Variants in LTBP3 observed in about 807,000 individuals in gnomAD.
LTBP3 encodes the protein latent transforming growth factor beta binding protein 3, also known as latent-transforming growth factor beta-binding protein 3.
Under a neutral mutation model 159.7 loss-of-function variants are expected in LTBP3, and 97 were observed. The ratio of observed to expected loss-of-function variants is 0.61; its 90% CI spans 0.52 to 0.72. The LOEUF (loss-of-function observed/expected upper bound fraction) is 0.72. Among genes scored for constraint, LTBP3 ranks in the 30% least tolerant of loss-of-function variants. LTBP3 has a pLI of 0.00. For missense variants in LTBP3, 1,584 were observed against 1,864.3 expected, an observed-to-expected ratio of 0.85 and a Z score of 2.77; for synonymous variants, 824 against 777.1, an observed-to-expected ratio of 1.06 and a Z score of -1.00.
chr11:65,546,184 T>G lies in LTBP3; in HGVS notation c.2353+258A>C. 2 of 527,148 alleles carry G rather than the reference T, an allele frequency of 3.8e-6. No individual in the cohort carries two copies. Among genetic ancestry groups the G allele is most frequent in the Non-Finnish European group, 6.7e-6 (2 of 298,400 alleles). The allele number at this position is 527,148 out of a possible 1,614,324, so 32.7% of individuals were successfully genotyped here. A position where few individuals can be genotyped will look rare whatever the true frequency, so the allele number is the denominator to read the frequency against. ...GGGGGAGTACTATCGTCTGCCCTCA[T>G]TCTTTGATATCTTTTTTCCTTCAAA... On this transcript the variant is annotated intron_variant, in intron 16 of 27. Transcript: ENST00000301873. The surrounding 1 kb of genome is among the most constrained non-coding windows in gnomAD (Gnocchi z 4.0).
chr11:65,548,275 G>A (rs1856467161), intron 11 of LTBP3: 1 of 646,396 alleles, frequency 1.5e-6, no homozygotes, highest in Non-Finnish European at 2.7e-6. Context: ...CCACACCCAG[G>A]CCCGGATACT....
chr11:65,557,339 C>T (rs925323973), intron 1 of LTBP3, among the ~76,000 whole-genome samples: 1 of 152,126 alleles, frequency 6.6e-6, no homozygotes, highest in Admixed American at 6.5e-5. Flanking sequence ...CTGCTCAGAA[C>T]TCAGCACCTT....
chr11:65,540,513 A>T lies in LTBP3; in HGVS notation c.3079T>A (p.Tyr1027Asn). ...ACGCATTCCAGCAGGTTCCCGTCGTAGTAGAAGCCCTGCTTGCAGTAGCAC... is the reference window on the plus strand; with the variant it reads ...ACGCATTCCAGCAGGTTCCCGTCGTTGTAGAAGCCCTGCTTGCAGTAGCAC... ...YECYCKQGFY[Y>N]DGNLLECVDV... Residue 1027 changes from tyrosine (Y) to asparagine (N), a missense_variant, in exon 22 of 28, where the codon TAC becomes AAC. Tyr to Asn is a moderately radical substitution (Grantham distance 143). Transcript: ENST00000301873. 1.2e-6 allele frequency: 2 copies of T among 1,613,792 alleles called. No homozygotes were observed. The highest frequency in any genetic ancestry group is 1.7e-6 in the Non-Finnish European group (2 of 1,179,884).
chr11:65,539,437 A>C lies in LTBP3; in HGVS notation c.3651T>G (p.Asp1217Glu). 3 of 1,557,558 alleles carry C rather than the reference A, an allele frequency of 1.9e-6. No individual in the cohort carries two copies. Among genetic ancestry groups the C allele is most frequent in the Non-Finnish European group, 8.7e-7 (1 of 1,150,572 alleles). ...CACTCACGCAGCGACACTCGTCTGA[A>C]TCCTCCTCTGAACTGTCCTCATCTG... ...PPRDEDSSEE[D>E]SDECRCVSGR... is the part of the protein sequence containing the mutation. The change falls in exon 27 of 28, where the codon GAT (aspartate) becomes GAG (glutamate). Residue 1217 changes from aspartate to glutamate, a missense_variant. Coordinates refer to ENST00000301873, the MANE Select transcript of LTBP3 (RefSeq NM_001130144.3).
chr11:65,555,207 C>T (rs1440174780), intron 1 of LTBP3, among the ~76,000 whole-genome samples: 2 of 152,202 alleles, frequency 1.3e-5, no homozygotes, highest in Non-Finnish European at 2.9e-5. Flanking sequence ...GGCTTCCAGC[C>T]TCTCCTGCTG....
chr11:65,540,887 G>C lies in LTBP3; in HGVS notation c.2961C>G (p.Gly987=). ...YTQDNNIVNY[G]IPAHRDIDEC... The stretch of plus-strand genomic sequence containing the variant: ...GGCGCTTACCACGGTGGGCTGGGAT[G>C]CCGTAGTTGACGATGTTGTTGTCCT... The change falls in exon 21 of 28, where the codon GGC becomes GGG. Residue 987 remains glycine, a synonymous_variant. Transcript: ENST00000301873. 6.2e-7 allele frequency: 1 copy of C among 1,612,794 alleles called. No homozygotes were observed. The highest frequency in any genetic ancestry group is 8.5e-7 in the Non-Finnish European group (1 of 1,179,502).
At chr11:65,540,703 C>CGGGCGGGGCCTACTGGTG in intron 21 of LTBP3, 89 bp from the exon 22 acceptor site, 1 of 1,243,480 alleles carries the variant, frequency 8.0e-7, no homozygotes, top group Non-Finnish European at 1.1e-6. Flanking sequence ...AAGCCATCCC[C>CGGGCGGGGCCTACTGGTG]GGGCGGGGCC....
rs1364091245 is a variant in LTBP3 at position 65,557,655 on chromosome 11, G to A, written c.305C>T (p.Thr102Met). The A allele has an allele frequency of 6.2e-7, 1 of 1,610,866 alleles. No individual in the cohort carries two copies. Among genetic ancestry groups the A allele is most frequent in the Admixed American group, 1.7e-5 (1 of 60,008 alleles). ...CACGCGGAAGCCGGAGCCCGTGAGCGTGTCTGTGCTGTGGCCGTTCTCTCC... is the reference window on the plus strand; with the variant it reads ...CACGCGGAAGCCGGAGCCCGTGAGCATGTCTGTGCTGTGGCCGTTCTCTCC... ...LIGENGHSTD[T>M]LTGSGFRVVV... Residue 102 changes from threonine (T) to methionine (M), a missense_variant, in exon 1 of 28, where the codon ACG becomes ATG. Thr to Met is a moderately conservative substitution (Grantham distance 81). Transcript: ENST00000301873.
At position 65,539,243 on chromosome 11, in the gene LTBP3, G is replaced by A. The variant is rs927701907; in HGVS notation, c.3761-12C>T. On this transcript the variant is annotated splice_polypyrimidine_tract_variant and intron_variant, in intron 27 of 27. Coordinates refer to ENST00000301873, the MANE Select transcript of LTBP3 (RefSeq NM_001130144.3). The stretch of plus-strand genomic sequence containing the variant: ...GCACTCGTCGATATCTGAAGGTGAG[G>A]GCGACAGGTGCGGCTTCGCTGAGCC... 1 of 1,525,336 alleles carries A rather than the reference G, an allele frequency of 6.6e-7. No homozygotes were observed. Among genetic ancestry groups the A allele is most frequent in the Non-Finnish European group, 8.8e-7 (1 of 1,132,190 alleles). The allele number at this position is 1,525,336 out of a possible 1,614,324, so 94.5% of individuals were successfully genotyped here. A position where few individuals can be genotyped will look rare whatever the true frequency, so the allele number is the denominator to read the frequency against.
Position 65,541,734 on chromosome 11 carries a change from G to C in LTBP3, c.2597-6C>G. ...CTGGCTGCACTCATCTATGTCTGCG[G>C]GGCAAGAGTAGCGCAGCTGGAAACC... On this transcript the variant is annotated splice_region_variant and splice_polypyrimidine_tract_variant and intron_variant, in intron 18 of 27. Transcript: ENST00000301873. 6.2e-7 allele frequency: 1 copy of C among 1,613,962 alleles called. No homozygotes were observed. The highest frequency in any genetic ancestry group is 8.5e-7 in the Non-Finnish European group (1 of 1,179,950).
chr11:65,540,326 G>A lies in LTBP3; in HGVS notation c.3163C>T (p.Arg1055Cys), dbSNP rs867243259. 2 of 1,577,530 alleles carry A rather than the reference G, an allele frequency of 1.3e-6. No homozygotes were observed. Among genetic ancestry groups the A allele is most frequent in the Non-Finnish European group, 8.6e-7 (1 of 1,162,650 alleles). Residue 1055 changes from arginine to cysteine, a missense_variant, in exon 23 of 28, where the codon CGC (arginine) becomes TGC (cysteine). Transcript: ENST00000301873. Reference protein sequence around the residue: ...NCRNGVCENTRGGYRCACTPP... With the variant: ...NCRNGVCENTCGGYRCACTPP... ...GTGCAGGCACAGCGGTAGCCGCCGC[G>A]CGTGTTCTCACACACTCCGTTCCGG...
At chr11:65,539,968 A>ACGGACAGGGCCCCGGGAT in intron 24 of LTBP3, 45 bp downstream of exon 24, 1 of 1,456,212 alleles carries the variant, frequency 6.9e-7, no homozygotes. Context: ...GGGCCACGTG[A>ACGGACAGGGCCCCGGGAT]CGGACAGGGC....
rs752311785 is a variant in LTBP3, at chr11:65,553,814, C to T, written c.751G>A (p.Glu251Lys). The change falls in exon 3 of 28, where the codon GAG (glutamate) becomes AAG (lysine). Residue 251 changes from glutamate to lysine, a missense_variant. Glu to Lys is a moderately conservative substitution (Grantham distance 56). Transcript: ENST00000301873. This position sits in a 1 kb window ranked among gnomAD's most constrained non-coding sequence, Gnocchi z 6.5. ...AGGTGCTGGGAGGGGGCTGCGCTCTCGGCGTTCGAGCTCTCAATGCGGTGC... is the reference window on the plus strand; with the variant it reads ...AGGTGCTGGGAGGGGGCTGCGCTCTTGGCGTTCGAGCTCTCAATGCGGTGC... ...QVHRIESSNA[E>K]SAAPSQHLLP... 267 of 1,561,526 alleles carry T rather than the reference C, an allele frequency of 1.7e-4. No homozygotes were observed. Among genetic ancestry groups the T allele is most frequent in the Non-Finnish European group, 2.2e-4 (254 of 1,161,294 alleles).
Position 65,538,758 on chromosome 11 carries a change from GC to G in LTBP3, c.*321del, listed in dbSNP as rs1855880666. 1 of 888,322 alleles carries G rather than the reference GC, an allele frequency of 1.1e-6. No homozygotes were observed. The highest frequency in any genetic ancestry group is 3.0e-5 in the Admixed American group (1 of 33,240). 55.0% of individuals were successfully genotyped at this position (888,322 alleles called of 1,614,324 possible). On this transcript the variant is annotated 3_prime_UTR_variant, in exon 28 of 28. Coordinates refer to ENST00000301873, the MANE Select transcript of LTBP3 (RefSeq NM_001130144.3). ...TGGGAGGCGGCTGGGGTCTGGCGCC[GC>G]CCTGCGCAGCCCGCGCCCACGTCAG...
intron 16 of LTBP3, chr11:65,545,841 C>A: frequency 5.3e-6 from 1 of 188,234 alleles, no homozygotes; most frequent in Non-Finnish European, 1.1e-5. Context: ...GGACCTGTCC[C>A]TCCCCGGCCA....
In LTBP3 at chr11:65,557,886, G is replaced by A. The variant is rs1297967792; in HGVS notation, c.74C>T (p.Ala25Val). The change falls in exon 1 of 28, where the codon GCG becomes GTG. Residue 25 changes from alanine (A) to valine (V), a missense_variant. By Grantham distance (64) the Ala-to-Val change is moderately conservative. This residue lies in a region of LTBP3 where 79 missense variants were observed against 64.7 expected (regional missense o/e 1.22). Transcript: ENST00000301873. Reference protein sequence around the residue: ...MRGAGAAGLLALLLLLLLLLL... With the variant: ...MRGAGAAGLLVLLLLLLLLLL... ...CAGCAGCAGCAGCAGCAGCAGCAGC[G>A]CCAGCAGCCCCGCCGCCCCCGCCCC... 8.5e-6 allele frequency: 10 copies of A among 1,170,380 alleles called. No individual in the cohort carries two copies. The highest frequency in any genetic ancestry group is 3.2e-4 in the Middle Eastern group (1 of 3,116). 72.5% of individuals were successfully genotyped at this position (1,170,380 alleles called of 1,614,324 possible).
chr11:65,541,379 C>A (rs1469673099), intron 19 of LTBP3, 86 bp from the exon 20 acceptor site: 4 of 1,535,534 alleles, frequency 2.6e-6, no homozygotes, highest in South Asian at 2.2e-5. Flanking sequence ...TCTTTCCCCC[C>A]ACATTCCCTG....
rs1255979333 is a variant in LTBP3 at position 65,546,301 on chromosome 11, T to G, written c.2353+141A>C. ...CTAGTGGTGCCTTCCTTGGCAAAGT[T>G]CGTTGAGAAAATGAGTGAGCAGAGT... is the stretch of plus-strand genomic sequence containing the variant. On this transcript the variant is annotated intron_variant, in intron 16 of 27. Transcript: ENST00000301873. This position sits in a 1 kb window ranked among gnomAD's most constrained non-coding sequence, Gnocchi z 4.0. The G allele has an allele frequency of 4.4e-6, 5 of 1,125,050 alleles. No homozygotes were observed. The East Asian group carries it at 1.2e-4, about 26-fold the overall frequency. The allele number at this position is 1,125,050 out of a possible 1,614,324, so 69.7% of individuals were successfully genotyped here.
chr11:65,542,073 CCCT>C (rs1444178838), intron 18 of LTBP3: 54 of 353,556 alleles, frequency 1.5e-4, no homozygotes, highest in Admixed American at 1.0e-3. Context: ...GGGCACCCTC[CCCT>C]CCTCTGTAAA....
Sources: gnomAD v4.1 joint callset for allele counts (sites outside exome capture counted in the v4.1 genomes callset) on GRCh38, gnomAD v4.1.1 for gene constraint, gnomAD v4.1.1 regional missense constraint, Gnocchi (gnomAD v3.1) non-coding constraint, MANE v1.5 for transcripts, NCBI Gene and HGNC (gene_info 2026-07-23, HGNC 2026-07-21) for gene names.